Variants in AFF3 observed in about 807,000 individuals in gnomAD.
The protein encoded by AFF3 is AF4/FMR2 family member 3.
AFF3 carries 32 observed loss-of-function variants against 129.7 expected under a neutral mutation model. The ratio of observed to expected loss-of-function variants is 0.25; its 90% CI spans 0.19 to 0.33. The LOEUF is 0.33. AFF3 is among the 10% of genes least tolerant of loss of function. The pLI is 1.00. For synonymous variants in AFF3, 644 were observed against 635.4 expected (o/e 1.01, Z -0.20); for missense variants, 1,373 against 1,592.0 (o/e 0.86, Z 2.34).
At chr2:99,718,770 A>G (rs1379541956) in intron 11 of AFF3, among the ~76,000 whole-genome samples, 2 of 148,498 alleles carry the variant, frequency 1.3e-5, no homozygotes, top group African/African-American at 5.0e-5. Context: ...TTTTTTTTTC[A>G]GAAGGAGTCT....
At chr2:99,859,552 G>A (rs968545713) in intron 7 of AFF3, among the ~76,000 whole-genome samples, 2 of 152,150 alleles carry the variant, frequency 1.3e-5, no homozygotes, top group African/African-American at 4.8e-5. Context: ...CCTAATCCTA[G>A]AGGATTTCGA....
intron 22 of AFF3, among the ~76,000 whole-genome samples, chr2:99,555,690 C>G (rs1023032733): frequency 5.3e-5 from 8 of 152,178 alleles, no homozygotes; most frequent in African/African-American, 1.7e-4. Flanking sequence ...TTTTCCCCTT[C>G]CAGAGACAAG....
At chr2:100,142,408 G>C (rs947761761) in intron 1 of AFF3, 76 bp downstream of exon 1, 2 of 152,228 alleles carry the variant, frequency 1.3e-5, no homozygotes, top group Non-Finnish European at 2.9e-5. Context: ...CCACCCTTCA[G>C]GACACAAAGT....
At chr2:99,667,079 G>A (rs1686738139) in intron 12 of AFF3, among the ~76,000 whole-genome samples, 1 of 152,116 alleles carries the variant, frequency 6.6e-6, no homozygotes, top group African/African-American at 2.4e-5. Flanking sequence ...AACAACAGCA[G>A]AATACACATT....
At chr2:99,946,855 AAACT>A (rs1558999304) in intron 7 of AFF3, among the ~76,000 whole-genome samples, 2 of 152,204 alleles carry the variant, frequency 1.3e-5, no homozygotes, top group African/African-American at 4.8e-5. Flanking sequence ...AATAACTAAC[AAACT>A]AATTACAAAC....
intron 7 of AFF3, among the ~76,000 whole-genome samples, chr2:99,966,742 G>GAT (rs1677817532): frequency 7.0e-6 from 1 of 142,330 alleles, no homozygotes; most frequent in Admixed American, 7.0e-5. Flanking sequence ...GAATGACAGA[G>GAT]GATATAATCA....
At chr2:99,902,425 C>CA (rs1160291279) in intron 7 of AFF3, among the ~76,000 whole-genome samples, 2 of 152,126 alleles carry the variant, frequency 1.3e-5, no homozygotes, top group Non-Finnish European at 2.9e-5. Flanking sequence ...ACCGCGCACT[C>CA]ACTACATGCT....
chr2:99,947,169 A>C (rs1311596669), intron 7 of AFF3, among the ~76,000 whole-genome samples: 2 of 152,172 alleles, frequency 1.3e-5, no homozygotes, highest in African/African-American at 4.8e-5. Flanking sequence ...AGCCGGGTGC[A>C]GTGGCTCATG....
At chr2:99,962,290 G>C (rs1019764317) in intron 7 of AFF3, among the ~76,000 whole-genome samples, 2 of 152,114 alleles carry the variant, frequency 1.3e-5, no homozygotes, top group Non-Finnish European at 2.9e-5. Flanking sequence ...TACAACTACA[G>C]TCCACAAAAG....
chr2:100,141,542 T>C (rs991073943), intron 1 of AFF3, among the ~76,000 whole-genome samples: 1 of 152,198 alleles, frequency 6.6e-6, no homozygotes, highest in Non-Finnish European at 1.5e-5. Context: ...CGATCAACAT[T>C]CAAAGAATGA....
intron 2 of AFF3, among the ~76,000 whole-genome samples, chr2:100,126,155 GA>G (rs1014998318): frequency 4.6e-5 from 7 of 152,198 alleles, no homozygotes; most frequent in Admixed American, 2.6e-4. Flanking sequence ...GATGTGCTGG[GA>G]ATGCCGGGGA....
chr2:99,547,639 A>G lies in AFF3; in HGVS notation c.*3835T>C, dbSNP rs1484214919. The G allele has an allele frequency of 4.8e-6, 1 of 209,096 alleles. No individual in the cohort carries two copies. Among genetic ancestry groups the G allele is most frequent in the Non-Finnish European group, 9.7e-6 (1 of 102,818 alleles). 13.0% of individuals were successfully genotyped at this position (209,096 alleles called of 1,614,324 possible). On this transcript the variant is annotated 3_prime_UTR_variant, in exon 25 of 25. Coordinates refer to ENST00000672756, the MANE Select transcript of AFF3 (RefSeq NM_001386135.1). Reference sequence around the variant, plus strand: ...AATGTTGGCTGCACTGATTAATTTTATAACAATTACTGCACTTCCAAGTTG... The same window carrying G: ...AATGTTGGCTGCACTGATTAATTTTGTAACAATTACTGCACTTCCAAGTTG...
At chr2:99,721,417 T>C (rs2104949834) in intron 11 of AFF3, among the ~76,000 whole-genome samples, 1 of 151,584 alleles carries the variant, frequency 6.6e-6, no homozygotes, top group Non-Finnish European at 1.5e-5. Flanking sequence ...TAGTCCCAGC[T>C]ACTCAGGAAG....
intron 7 of AFF3, among the ~76,000 whole-genome samples, chr2:99,991,067 T>A (rs1436716946): frequency 6.6e-6 from 1 of 152,144 alleles, no homozygotes; most frequent in Non-Finnish European, 1.5e-5. Context: ...GGAACCATCA[T>A]GTTCTCCCAA....
At chr2:99,742,255 G>A (rs1489459506) in intron 10 of AFF3, among the ~76,000 whole-genome samples, 1 of 151,976 alleles carries the variant, frequency 6.6e-6, no homozygotes, top group Non-Finnish European at 1.5e-5. Flanking sequence ...AATGTGGGAG[G>A]ATTGCTTGAG....
intron 7 of AFF3, among the ~76,000 whole-genome samples, chr2:99,841,367 C>G (rs987627648): frequency 2.0e-5 from 3 of 152,176 alleles, no homozygotes; most frequent in African/African-American, 7.2e-5. Flanking sequence ...CAGCTCCAAC[C>G]AGAAGCCTTG....
intron 7 of AFF3, among the ~76,000 whole-genome samples, chr2:99,999,239 C>T (rs1033790788): frequency 6.6e-6 from 1 of 152,182 alleles, no homozygotes; most frequent in Non-Finnish European, 1.5e-5. Context: ...TCAGTAAATA[C>T]GGTTTCCATT....
At chr2:99,912,938 C>T (rs554925716) in intron 7 of AFF3, among the ~76,000 whole-genome samples, 44 of 152,202 alleles carry the variant, frequency 2.9e-4, no homozygotes, top group Admixed American at 1.2e-3. Flanking sequence ...CTAAGTAGGA[C>T]CAAAATAGAC....
At chr2:99,882,317 G>A (rs1303106495) in intron 7 of AFF3, among the ~76,000 whole-genome samples, 3 of 152,174 alleles carry the variant, frequency 2.0e-5, no homozygotes, top group South Asian at 2.1e-4. Context: ...ATAAATTATC[G>A]TTAACCAATC....
Sources: gnomAD v4.1 joint callset for allele counts (sites outside exome capture counted in the v4.1 genomes callset) on GRCh38, gnomAD v4.1.1 for gene constraint, MANE v1.5 for transcripts, NCBI Gene and HGNC (gene_info 2026-07-23, HGNC 2026-07-21) for gene names.